GPC5: variants seen among roughly 807,000 people sequenced by gnomAD.
The protein encoded by GPC5 is glypican 5.
In GPC5, 47 loss-of-function variants were observed where a neutral mutation model predicts 53.9. The observed-to-expected ratio is 0.87, with a 90% CI of 0.69 to 1.11. The LOEUF (loss-of-function observed/expected upper bound fraction) is 1.11. Ranked by LOEUF, GPC5 falls within the 50% of genes most tolerant of loss-of-function variation. The pLI, the probability that GPC5 is intolerant of heterozygous loss-of-function variation, is 0.00. For synonymous variants in GPC5, 286 were observed against 263.3 expected, an observed-to-expected ratio of 1.09 and a Z score of -0.84; for missense variants, 748 against 713.1, an observed-to-expected ratio of 1.05 and a Z score of -0.56.
chr13:91,690,425 C>T (rs1464806549), intron 2 of GPC5, among the ~76,000 whole-genome samples: 2 of 151,978 alleles, frequency 1.3e-5, no homozygotes, highest in South Asian at 4.1e-4. Flanking sequence ...TAATTACAAA[C>T]TCAAAGAGTA....
intron 6 of GPC5, among the ~76,000 whole-genome samples, chr13:91,969,864 A>AG (rs2040224571): frequency 6.6e-6 from 1 of 152,168 alleles, no homozygotes; most frequent in Non-Finnish European, 1.5e-5. Flanking sequence ...CAAAAAAAGG[A>AG]TTACAAGTGT....
chr13:91,600,217 A>G (rs191776293), intron 2 of GPC5, among the ~76,000 whole-genome samples: 7 of 152,288 alleles, frequency 4.6e-5, no homozygotes, highest in African/African-American at 1.7e-4. Flanking sequence ...CACAGCACCC[A>G]GCCTACTTTT....
chr13:91,845,843 A>C (rs773971306), intron 5 of GPC5, among the ~76,000 whole-genome samples: 1 of 152,170 alleles, frequency 6.6e-6, no homozygotes, highest in Non-Finnish European at 1.5e-5. Flanking sequence ...TTTGTCACTT[A>C]CTAGCTGCAT....
chr13:92,004,458 T>TTTTATATATA (rs1491510192), intron 6 of GPC5, among the ~76,000 whole-genome samples: 11 of 82,490 alleles, frequency 1.3e-4, no homozygotes, highest in African/African-American at 5.8e-4. Context: ...AAAAAAAAAA[T>TTTTATATATA]TATATATATA....
rs542976603 is a variant in GPC5 at position 91,607,267 on chromosome 13, G to A, written c.326-85920G>A. Among the ~76,000 whole-genome samples, 11 of 152,268 alleles carry A rather than the reference G, an allele frequency of 7.2e-5. No individual in the cohort carries two copies. In the South Asian group the frequency reaches 8.3e-4, roughly 11 times the overall value. On this transcript the variant is annotated intron_variant, in intron 2 of 7. Coordinates refer to ENST00000377067, the MANE Select transcript of GPC5 (RefSeq NM_004466.6). Reference sequence around the variant, plus strand: ...AAATGTTGGCTCTGAGAACCATATCGATCTGTGGTTGGATGTGGAGTTTGC... The same window carrying A: ...AAATGTTGGCTCTGAGAACCATATCAATCTGTGGTTGGATGTGGAGTTTGC...
At chr13:92,331,779 C>T (rs1926638) in intron 7 of GPC5, among the ~76,000 whole-genome samples, 69,595 of 151,712 alleles carry the variant, frequency 0.46, 17,056 homozygotes, top group African/African-American at 0.65. Context: ...AAAAAAGCAG[C>T]CTGATTTAAG....
At chr13:91,937,156 C>G (rs2039878642) in intron 6 of GPC5, among the ~76,000 whole-genome samples, 1 of 152,022 alleles carries the variant, frequency 6.6e-6, no homozygotes, top group Non-Finnish European at 1.5e-5. Flanking sequence ...TGACCCTTGA[C>G]AAAGAAGGCA....
intron 2 of GPC5, among the ~76,000 whole-genome samples, chr13:91,634,597 C>A (rs138918289): frequency 7.4e-4 from 113 of 151,894 alleles, no homozygotes; most frequent in African/African-American, 2.6e-3. Flanking sequence ...TTTATGGTAC[C>A]CTGTTTATAC....
At chr13:91,639,649 C>A (rs1411912326) in intron 2 of GPC5, among the ~76,000 whole-genome samples, 1 of 40,058 alleles carries the variant, frequency 2.5e-5, no homozygotes, top group Non-Finnish European at 4.4e-5. Context: ...AGAAGTCCTG[C>A]AGTAGGTAAA....
At chr13:91,467,037 G>T (rs956727312) in intron 2 of GPC5, among the ~76,000 whole-genome samples, 2 of 152,114 alleles carry the variant, frequency 1.3e-5, no homozygotes, top group Non-Finnish European at 2.9e-5. Flanking sequence ...CGCCTGCATT[G>T]ATCTTAGTTA....
chr13:91,658,104 A>G (rs2034891610), intron 2 of GPC5, among the ~76,000 whole-genome samples: 2 of 152,112 alleles, frequency 1.3e-5, no homozygotes, highest in South Asian at 2.1e-4. Context: ...AAATATATAC[A>G]TATTTAAGTT....
chr13:92,083,073 A>G (rs2041309133), intron 6 of GPC5, among the ~76,000 whole-genome samples: 1 of 152,206 alleles, frequency 6.6e-6, no homozygotes, highest in African/African-American at 2.4e-5. Context: ...TAAAATACTT[A>G]AGCTAGAGTT....
At chr13:91,700,302 A>G (rs2035966303) in intron 3 of GPC5, among the ~76,000 whole-genome samples, 4 of 152,236 alleles carry the variant, frequency 2.6e-5, no homozygotes, top group Admixed American at 2.6e-4. Context: ...CTGTGTAAAC[A>G]GTTCATAGAA....
chr13:92,660,901 A>G, intron 7 of GPC5, among the ~76,000 whole-genome samples: 1 of 152,108 alleles, frequency 6.6e-6, no homozygotes, highest in Non-Finnish European at 1.5e-5. Context: ...TATTTTTTTA[A>G]TTTATTTATA....
intron 7 of GPC5, among the ~76,000 whole-genome samples, chr13:92,220,001 T>C (rs1371262803): frequency 6.6e-6 from 1 of 152,186 alleles, no homozygotes; most frequent in Admixed American, 6.5e-5. Flanking sequence ...GTGCTTTTTG[T>C]CCAATTCTTT....
At chr13:91,509,264 C>T (rs1201312045) in intron 2 of GPC5, among the ~76,000 whole-genome samples, 1 of 145,156 alleles carries the variant, frequency 6.9e-6, no homozygotes, top group African/African-American at 2.5e-5. Context: ...CCTCAGAGCT[C>T]ATACCAGGTC....
chr13:92,364,502 G>A (rs961500209), intron 7 of GPC5, among the ~76,000 whole-genome samples: 2 of 151,688 alleles, frequency 1.3e-5, no homozygotes, highest in East Asian at 1.9e-4. Context: ...AGGCCAAGGC[G>A]GGTGGATCAC....
chr13:92,359,538 T>G (rs2139279279), intron 7 of GPC5, among the ~76,000 whole-genome samples: 1 of 151,834 alleles, frequency 6.6e-6, no homozygotes, highest in Admixed American at 6.5e-5. Flanking sequence ...TGTTCTGTAT[T>G]ACTTCATTAT....
At position 92,743,580 on chromosome 13, in the gene GPC5, T is replaced by A. The variant is rs368718623; in HGVS notation, c.1562-122702T>A. 1.6e-4 allele frequency among the ~76,000 whole-genome samples: 24 copies of A among 152,172 alleles called. No homozygotes were observed. The South Asian group carries it at 4.6e-3, about 29-fold the overall frequency. ...TTCCTAATTGAATACCCTTTATTTC[T>A]TTCTCCTGCCTGATTGCCCTGGCCA... On this transcript the variant is annotated intron_variant, in intron 7 of 7. Coordinates refer to ENST00000377067, the MANE Select transcript of GPC5 (RefSeq NM_004466.6).
Sources: allele counts gnomAD v4.1 joint callset (sites outside exome capture counted in the v4.1 genomes callset), GRCh38; gene constraint gnomAD v4.1.1; transcripts MANE v1.5; gene names NCBI Gene and HGNC (gene_info 2026-07-23, HGNC 2026-07-21).